The following TRERF1 variants were observed in gnomAD, a reference collection of about 807,000 sequenced individuals.
The protein encoded by TRERF1 is transcriptional regulating factor 1.
TRERF1 carries 27 observed loss-of-function variants against 122.9 expected under a neutral mutation model. The ratio of observed to expected loss-of-function variants is 0.22; its 90% CI spans 0.16 to 0.30. The LOEUF is 0.30. Ranked by LOEUF, TRERF1 falls within the 10% of genes least tolerant of loss-of-function variation. TRERF1 has a pLI of 1.00. For synonymous variants in TRERF1, 636 were observed against 641.7 expected, an observed-to-expected ratio of 0.99 and a Z score of 0.13; for missense variants, 1,248 against 1,560.3, an observed-to-expected ratio of 0.80 and a Z score of 3.37.
intron 3 of TRERF1, among the ~76,000 whole-genome samples, chr6:42,308,237 G>A (rs1347460869): frequency 6.6e-6 from 1 of 152,224 alleles, no homozygotes; most frequent in African/African-American, 2.4e-5. Flanking sequence ...CAACTGATGA[G>A]TGGATAAACA....
intron 2 of TRERF1, among the ~76,000 whole-genome samples, chr6:42,374,284 T>C (rs1774412484): frequency 6.6e-6 from 1 of 152,192 alleles, no homozygotes; most frequent in Non-Finnish European, 1.5e-5. Context: ...CCACTGGCTA[T>C]ATCAGCTGGG....
At chr6:42,297,109 A>G (rs919409168) in intron 4 of TRERF1, among the ~76,000 whole-genome samples, 1 of 152,210 alleles carries the variant, frequency 6.6e-6, no homozygotes, top group Admixed American at 6.5e-5. Context: ...TTCACCTGCT[A>G]GGCCTATGGC....
In TRERF1 at chr6:42,281,777, G is replaced by A. The variant is rs371870359; in HGVS notation, c.-258-11929C>T. 1.6e-4 allele frequency among the ~76,000 whole-genome samples: 24 copies of A among 152,300 alleles called. No homozygotes were observed. The East Asian group carries it at 4.2e-3, about 27-fold the overall frequency. On this transcript the variant is annotated intron_variant, in intron 4 of 17. Transcript: ENST00000372922. ...ATGAGCTGGATTAAGATGCTGCTAC[G>A]CAAACAGGAAGGAAGAACAGCAACG... is the stretch of plus-strand genomic sequence containing the variant.
Position 42,299,139 on chromosome 6 carries a change from T to TCTATCTATCTAC in TRERF1, c.-259+1498_-259+1499insGTAGATAGATAG, listed in dbSNP as rs1561939031. On this transcript the variant is annotated intron_variant, in intron 4 of 17. Transcript: ENST00000372922. ...GTCTCTATCTATCTATCTATCTACA[T>TCTATCTATCTAC]ATATATATATATCTAGCTAGCTGGA... Among the ~76,000 whole-genome samples the TCTATCTATCTAC allele has an allele frequency of 4.7e-4, 54 of 114,104 alleles. 1 individual carries two copies. Among genetic ancestry groups the TCTATCTATCTAC allele is most frequent in the Admixed American group, 1.0e-3 (12 of 11,772 alleles). The allele number at this position is 114,104 out of a possible 152,430, so 74.9% of individuals were successfully genotyped here.
intron 2 of TRERF1, among the ~76,000 whole-genome samples, chr6:42,417,320 A>C (rs2151511989): frequency 1.1e-4 from 1 of 9,006 alleles, no homozygotes; most frequent in South Asian, 6.3e-3. Flanking sequence ...ACCAGCCCCT[A>C]CCCCACGGAC....
intron 2 of TRERF1, among the ~76,000 whole-genome samples, chr6:42,422,986 T>A (rs1783020844): frequency 2.0e-5 from 3 of 152,174 alleles, no homozygotes. Context: ...ATTACAGGCA[T>A]GCGCCACCAC....
intron 3 of TRERF1, among the ~76,000 whole-genome samples, chr6:42,344,862 T>C (rs530517269): frequency 1.2e-3 from 184 of 152,310 alleles, no homozygotes; most frequent in African/African-American, 4.2e-3. Context: ...CTACATATTG[T>C]ACTTATTTGT....
chr6:42,295,342 T>C (rs55661209), intron 4 of TRERF1, among the ~76,000 whole-genome samples: 18,937 of 152,146 alleles, frequency 0.12, 1,171 homozygotes, highest in African/African-American at 0.14. Context: ...ACAGAAGCCA[T>C]GTGGAAACCC....
chr6:42,400,797 G>A (rs907958818), intron 2 of TRERF1, among the ~76,000 whole-genome samples: 1 of 152,186 alleles, frequency 6.6e-6, no homozygotes, highest in African/African-American at 2.4e-5. Flanking sequence ...AAGTCCCAAT[G>A]TCAAATAGTC....
intron 6 of TRERF1, among the ~76,000 whole-genome samples, chr6:42,265,471 TCA>T (rs1003769409): frequency 1.3e-5 from 2 of 152,314 alleles, no homozygotes; most frequent in African/African-American, 4.8e-5. Flanking sequence ...TCTTTGAGCC[TCA>T]GTTTTCTCAT....
chr6:42,279,591 CT>C (rs1781921295), intron 4 of TRERF1, among the ~76,000 whole-genome samples: 3 of 152,194 alleles, frequency 2.0e-5, no homozygotes, highest in Non-Finnish European at 4.4e-5. Flanking sequence ...ATCACTCAAG[CT>C]CCACACCTAG....
At chr6:42,406,156 C>T (rs1780149003) in intron 2 of TRERF1, among the ~76,000 whole-genome samples, 1 of 152,242 alleles carries the variant, frequency 6.6e-6, no homozygotes, top group East Asian at 1.9e-4. Flanking sequence ...AGTTGGCTGA[C>T]TTGGTCACAG....
At chr6:42,295,522 T>G (rs539211213) in intron 4 of TRERF1, among the ~76,000 whole-genome samples, 2 of 152,256 alleles carry the variant, frequency 1.3e-5, no homozygotes, top group East Asian at 3.9e-4. Flanking sequence ...TCCTACCACT[T>G]CTACACCCAG....
chr6:42,256,914 A>C, intron 11 of TRERF1, 49 bp downstream of exon 11: 1 of 1,613,102 alleles, frequency 6.2e-7, no homozygotes, highest in Non-Finnish European at 8.5e-7. Flanking sequence ...CAGTGATCTC[A>C]GTGAGAGAAT....
chr6:42,288,333 C>T (rs572776793), intron 4 of TRERF1, among the ~76,000 whole-genome samples: 1 of 152,106 alleles, frequency 6.6e-6, no homozygotes, highest in East Asian at 1.9e-4. Context: ...CTTTGGGAGG[C>T]CGAGGTGGGC....
intron 3 of TRERF1, among the ~76,000 whole-genome samples, chr6:42,344,929 T>TG (rs1462219502): frequency 6.6e-6 from 1 of 152,244 alleles, no homozygotes; most frequent in Non-Finnish European, 1.5e-5. Flanking sequence ...GAATCTTCTC[T>TG]GTTTTGTTCA....
At chr6:42,363,685 T>TA (rs1771995973) in intron 2 of TRERF1, among the ~76,000 whole-genome samples, 1 of 152,202 alleles carries the variant, frequency 6.6e-6, no homozygotes, top group African/African-American at 2.4e-5. Context: ...GACGAGGTCC[T>TA]ACTGAAGTAG....
chr6:42,312,984 T>G (rs529105341), intron 3 of TRERF1, among the ~76,000 whole-genome samples: 1 of 152,336 alleles, frequency 6.6e-6, no homozygotes, highest in South Asian at 2.1e-4. Flanking sequence ...GCTTGCAGCC[T>G]CGACCCTGGG....
chr6:42,435,981 AAAAT>A (rs561528799), intron 2 of TRERF1, among the ~76,000 whole-genome samples: 1 of 151,740 alleles, frequency 6.6e-6, no homozygotes, highest in Non-Finnish European at 1.5e-5. Flanking sequence ...CTCCATCTCA[AAAAT>A]AAATAAATAA....
Sources: allele counts gnomAD v4.1 joint callset (sites outside exome capture counted in the v4.1 genomes callset), GRCh38; gene constraint gnomAD v4.1.1; transcripts MANE v1.5; gene names NCBI Gene and HGNC (gene_info 2026-07-23, HGNC 2026-07-21).